The following PLBD2 variants were observed in gnomAD, a reference collection of about 807,000 sequenced individuals.
PLBD2 encodes putative aminopeptidase PLBD2.
PLBD2 carries 51 observed loss-of-function variants against 68.3 expected under a neutral mutation model. That is an observed-to-expected ratio of 0.75 (90% CI 0.60 to 0.94). PLBD2 has a LOEUF of 0.94. Ranked by LOEUF, PLBD2 falls within the 40% of genes least tolerant of loss-of-function variation. PLBD2 has a pLI of 0.00. For missense variants in PLBD2, 729 were observed against 792.2 expected, an observed-to-expected ratio of 0.92 and a Z score of 0.96; for synonymous variants, 314 against 339.3, an observed-to-expected ratio of 0.93 and a Z score of 0.82.
At position 113,388,857 on chromosome 12, in the gene PLBD2, A is replaced by C; in HGVS notation, c.*231A>C. 2.3e-6 allele frequency: 1 copy of C among 434,114 alleles called. No individual in the cohort carries two copies. Among genetic ancestry groups the C allele is most frequent in the South Asian group, 5.3e-5 (1 of 19,004 alleles). 26.9% of individuals were successfully genotyped at this position (434,114 alleles called of 1,614,324 possible). On this transcript the variant is annotated 3_prime_UTR_variant, in exon 12 of 12. Coordinates refer to ENST00000280800, the MANE Select transcript of PLBD2 (RefSeq NM_173542.4). ...GTGGCGTCTCTTCTGCCCTGCCCTA[A>C]ATCTCCCACTCTCTGTTTCTGTCTG...
intron 5 of PLBD2, among the ~76,000 whole-genome samples, chr12:113,378,277 G>A (rs1957451476): frequency 6.6e-6 from 1 of 150,676 alleles, no homozygotes; most frequent in Non-Finnish European, 1.5e-5. Flanking sequence ...AGGCAACAGA[G>A]TCGGCCTCTG....
chr12:113,380,898 C>T (rs1565863286), intron 6 of PLBD2, 56 bp downstream of exon 6: 19 of 1,483,214 alleles, frequency 1.3e-5, no homozygotes, highest in Non-Finnish European at 1.7e-5. Context: ...CACGGCGGCT[C>T]TGAGCTGGCA....
chr12:113,376,454 G>A (rs1456993541), intron 5 of PLBD2, among the ~76,000 whole-genome samples: 8 of 152,098 alleles, frequency 5.3e-5, no homozygotes, highest in African/African-American at 1.9e-4. Flanking sequence ...GTGAGCCACC[G>A]CACCTGGCTG....
intron 9 of PLBD2, 70 bp from the exon 10 acceptor site, chr12:113,386,867 C>G: frequency 1.3e-6 from 2 of 1,566,174 alleles, no homozygotes; most frequent in Non-Finnish European, 1.7e-6. Context: ...CTGCCCCTCC[C>G]CTCCCTGGCC....
intron 6 of PLBD2, among the ~76,000 whole-genome samples, chr12:113,381,117 C>G (rs548125785): frequency 6.6e-6 from 1 of 152,158 alleles, no homozygotes; most frequent in African/African-American, 2.4e-5. Context: ...CCTCCAAAAC[C>G]TGCAGATGGC....
At chr12:113,379,977 A>G (rs1957471451) in intron 5 of PLBD2, among the ~76,000 whole-genome samples, 2 of 152,198 alleles carry the variant, frequency 1.3e-5, no homozygotes, top group South Asian at 2.1e-4. Flanking sequence ...GGTCTCTTCT[A>G]TAATACGGCT....
In PLBD2 at chr12:113,386,519, A is replaced by AT. The variant is rs35879677; in HGVS notation, c.1287-400dup. ...CAGGCACGTGCCACCACGCCGGCTA[A>AT]TTTTTTTTTTTTTTTTTTGAGACGG... On this transcript the variant is annotated intron_variant, in intron 9 of 11. Coordinates refer to ENST00000280800, the MANE Select transcript of PLBD2 (RefSeq NM_173542.4). Among the ~76,000 whole-genome samples, 1,114 of 126,770 alleles carry AT rather than the reference A, an allele frequency of 8.8e-3. 9 individuals carry two copies. The highest frequency in any genetic ancestry group is 0.03 in the African/African-American group (952 of 32,148). The allele number at this position is 126,770 out of a possible 152,430, so 83.2% of individuals were successfully genotyped here.
Position 113,358,597 on chromosome 12 carries a change from G to C in PLBD2, c.-4G>C. On this transcript the variant is annotated 5_prime_UTR_variant, in exon 1 of 12. Coordinates refer to ENST00000280800, the MANE Select transcript of PLBD2 (RefSeq NM_173542.4). ...CGGGCTGCGGGGCGCAGCATTGTGC[G>C]GTCATGGTGGGCCAGATGTACTGCT... 2.7e-6 allele frequency: 4 copies of C among 1,467,416 alleles called. No homozygotes were observed. The highest frequency in any genetic ancestry group is 3.0e-5 in the East Asian group (1 of 33,248). 90.9% of individuals were successfully genotyped at this position (1,467,416 alleles called of 1,614,324 possible).
In PLBD2 at chr12:113,390,329, C is replaced by A. The variant is rs1389196403; in HGVS notation, c.*1703C>A. ...ACCTACCTATTTGTCACCCATCCAC[C>A]CATCCATCCATCCAATCACCCATCC... is the stretch of plus-strand genomic sequence containing the variant. On this transcript the variant is annotated 3_prime_UTR_variant, in exon 12 of 12. Coordinates refer to ENST00000280800, the MANE Select transcript of PLBD2 (RefSeq NM_173542.4). 6.6e-6 allele frequency: 1 copy of A among 151,786 alleles called. No individual in the cohort carries two copies. The highest frequency in any genetic ancestry group is 2.4e-5 in the African/African-American group (1 of 41,298). 9.4% of individuals were successfully genotyped at this position (151,786 alleles called of 1,614,324 possible).
intron 1 of PLBD2, among the ~76,000 whole-genome samples, chr12:113,363,331 A>G (rs1177556608): frequency 6.6e-6 from 1 of 152,050 alleles, no homozygotes; most frequent in Non-Finnish European, 1.5e-5. Flanking sequence ...AGCTACTCAG[A>G]AGCTGAGACG....
rs7975981 is a variant in PLBD2, at chr12:113,360,344, T to C, written c.290+1454T>C. 1.7e-4 allele frequency among the ~76,000 whole-genome samples: 26 copies of C among 152,232 alleles called. No individual in the cohort carries two copies. The East Asian group carries it at 4.4e-3, about 26-fold the overall frequency. ...ACTCACTCATGTTTTTGGCCCTGCATAGCAGAATCAAGAGGACATGACAGA... is the reference window on the plus strand; with the variant it reads ...ACTCACTCATGTTTTTGGCCCTGCACAGCAGAATCAAGAGGACATGACAGA... On this transcript the variant is annotated intron_variant, in intron 1 of 11. Coordinates refer to ENST00000280800, the MANE Select transcript of PLBD2 (RefSeq NM_173542.4).
At chr12:113,361,450 C>T (rs559633126) in intron 1 of PLBD2, among the ~76,000 whole-genome samples, 6 of 150,778 alleles carry the variant, frequency 4.0e-5, no homozygotes, top group South Asian at 2.1e-4. Flanking sequence ...AGAAATCCTC[C>T]GACCTCGGCC....
intron 5 of PLBD2, among the ~76,000 whole-genome samples, chr12:113,375,697 C>T (rs1282170944): frequency 2.0e-5 from 3 of 152,130 alleles, no homozygotes; most frequent in Non-Finnish European, 4.4e-5. Context: ...ATGGGATGGC[C>T]TCTTCTCCTG....
chr12:113,388,781 C>A lies in PLBD2; in HGVS notation c.*155C>A. 1 of 791,682 alleles carries A rather than the reference C, an allele frequency of 1.3e-6. No homozygotes were observed. Among genetic ancestry groups the A allele is most frequent in the Non-Finnish European group, 1.9e-6 (1 of 533,546 alleles). The allele number at this position is 791,682 out of a possible 1,614,324, so 49.0% of individuals were successfully genotyped here. A position where few individuals can be genotyped will look rare whatever the true frequency, so the allele number is the denominator to read the frequency against. Reference sequence around the variant, plus strand: ...TCTCCTCCTAGAGTGGGTCACGAACCTGATGGGGCTCAGAACTGACCCCCT... The same window carrying A: ...TCTCCTCCTAGAGTGGGTCACGAACATGATGGGGCTCAGAACTGACCCCCT... On this transcript the variant is annotated 3_prime_UTR_variant, in exon 12 of 12. Coordinates refer to ENST00000280800, the MANE Select transcript of PLBD2 (RefSeq NM_173542.4).
rs961857089 is a variant in PLBD2 at position 113,372,160 on chromosome 12, T to C, written c.385-489T>C. On this transcript the variant is annotated intron_variant, in intron 2 of 11. Transcript: ENST00000280800. This position sits in a 1 kb window ranked among gnomAD's most constrained non-coding sequence, Gnocchi z 4.2. ...GGGATGACCAGGCTACGTGGTCTTT[T>C]GTCCCCCAGCAGGCGAGCCTGGACT... is the stretch of plus-strand genomic sequence containing the variant. Among the ~76,000 whole-genome samples the C allele has an allele frequency of 1.3e-5, 2 of 151,350 alleles. No individual in the cohort carries two copies. The highest frequency in any genetic ancestry group is 4.9e-5 in the African/African-American group (2 of 41,122).
chr12:113,374,327 G>A, intron 3 of PLBD2, 147 bp from the exon 4 acceptor site: 1 of 610,470 alleles, frequency 1.6e-6, no homozygotes, highest in Non-Finnish European at 3.0e-6. Context: ...GTAGTTTGGG[G>A]GAGTCAAGGC....
rs752072189 is a variant in PLBD2, at chr12:113,388,652, C to T, written c.*26C>T. On this transcript the variant is annotated 3_prime_UTR_variant, in exon 12 of 12. Transcript: ENST00000280800. Reference sequence around the variant, plus strand: ...AGTTCTGTCCCTGCTCTGCTGCTTTCGCCCCTGCTGACCCTCGTCAGGGTC... The same window carrying T: ...AGTTCTGTCCCTGCTCTGCTGCTTTTGCCCCTGCTGACCCTCGTCAGGGTC... 46 of 1,539,758 alleles carry T rather than the reference C, an allele frequency of 3.0e-5. No homozygotes were observed. The highest frequency in any genetic ancestry group is 2.8e-4 in the South Asian group (23 of 81,226).
In PLBD2 at chr12:113,389,082, T is replaced by G. The variant is rs1957583369; in HGVS notation, c.*456T>G. The G allele has an allele frequency of 6.5e-6, 1 of 153,564 alleles. No individual in the cohort carries two copies. The highest frequency in any genetic ancestry group is 2.4e-5 in the African/African-American group (1 of 41,506). The allele number at this position is 153,564 out of a possible 1,614,324, so 9.5% of individuals were successfully genotyped here. On this transcript the variant is annotated 3_prime_UTR_variant, in exon 12 of 12. Transcript: ENST00000280800. Reference sequence around the variant, plus strand: ...GGTGAGCTTTGTCTGGGCGTTGTCTTCGGCTGGCATTGCTCCTCCCAGCTC... The same window carrying G: ...GGTGAGCTTTGTCTGGGCGTTGTCTGCGGCTGGCATTGCTCCTCCCAGCTC...
chr12:113,364,472 T>TC (rs1028250414), intron 1 of PLBD2, among the ~76,000 whole-genome samples: 18 of 126,018 alleles, frequency 1.4e-4, no homozygotes, highest in Non-Finnish European at 2.3e-4. Context: ...CTCAGATTCT[T>TC]TTTTTTTTTT....
Sources: allele counts gnomAD v4.1 joint callset (sites outside exome capture counted in the v4.1 genomes callset), GRCh38; gene constraint gnomAD v4.1.1; non-coding constraint Gnocchi (gnomAD v3.1); transcripts MANE v1.5; gene names NCBI Gene and HGNC (gene_info 2026-07-23, HGNC 2026-07-21).